The following EDIL3 variants were observed in gnomAD, a reference collection of about 807,000 sequenced individuals.
The protein encoded by EDIL3 is EGF-like repeat and discoidin I-like domain-containing protein 3.
A neutral mutation model predicts 67.4 loss-of-function variants in EDIL3; 37 were observed. The observed-to-expected ratio is 0.55, with a 90% confidence interval of 0.42 to 0.72. The LOEUF is 0.72. Among genes scored for constraint, EDIL3 ranks in the 30% least tolerant of loss-of-function variants. The probability of loss-of-function intolerance (pLI) is 0.00; values close to 1 mark genes in which losing one functional copy is unlikely to be tolerated. For missense variants in EDIL3, 527 were observed against 586.3 expected (o/e 0.90, Z 1.04); for synonymous variants, 195 against 196.3 (o/e 0.99, Z 0.05).
intron 9 of EDIL3, among the ~76,000 whole-genome samples, chr5:83,969,905 T>C (rs138762913): frequency 2.0e-5 from 3 of 151,884 alleles, no homozygotes; most frequent in African/African-American, 7.2e-5. Flanking sequence ...TTGTTCAGAA[T>C]CCTCCTTGTA....
At chr5:84,205,656 A>G (rs563246105) in intron 3 of EDIL3, among the ~76,000 whole-genome samples, 45 of 151,946 alleles carry the variant, frequency 3.0e-4, no homozygotes, top group African/African-American at 1.1e-3. Context: ...TGTATGTGTC[A>G]AGGAATTTAT....
intron 1 of EDIL3, among the ~76,000 whole-genome samples, chr5:84,339,726 A>G (rs2112175507): frequency 6.6e-6 from 1 of 152,228 alleles, no homozygotes; most frequent in African/African-American, 2.4e-5. Flanking sequence ...GGACCTATTC[A>G]TGCTCTCTAA....
intron 6 of EDIL3, among the ~76,000 whole-genome samples, chr5:84,098,356 T>C (rs1401128115): frequency 6.6e-6 from 1 of 152,094 alleles, no homozygotes; most frequent in Non-Finnish European, 1.5e-5. Flanking sequence ...AAGGTTTCAT[T>C]TGAAGGACTG....
chr5:84,312,166 C>T (rs531295748), intron 1 of EDIL3, among the ~76,000 whole-genome samples: 20 of 141,446 alleles, frequency 1.4e-4, no homozygotes, highest in African/African-American at 5.0e-4. Flanking sequence ...CCTCCCGGAC[C>T]GGGCAGCTGG....
intron 1 of EDIL3, among the ~76,000 whole-genome samples, chr5:84,364,080 A>C (rs1747676029): frequency 6.6e-6 from 1 of 152,174 alleles, no homozygotes. Context: ...AGAAGAAGTG[A>C]AATTGTCACT....
intron 3 of EDIL3, among the ~76,000 whole-genome samples, chr5:84,217,713 T>C (rs1744256445): frequency 1.5e-5 from 1 of 65,468 alleles, no homozygotes; most frequent in Non-Finnish European, 3.1e-5. Flanking sequence ...CTATCTATTA[T>C]ACACACAAAC....
intron 1 of EDIL3, among the ~76,000 whole-genome samples, chr5:84,310,606 T>C (rs1349719798): frequency 6.6e-6 from 1 of 152,218 alleles, no homozygotes; most frequent in African/African-American, 2.4e-5. Flanking sequence ...CTAAATCTTC[T>C]GAGATCACAA....
chr5:84,343,008 A>G (rs1196158396), intron 1 of EDIL3, among the ~76,000 whole-genome samples: 4 of 152,116 alleles, frequency 2.6e-5, no homozygotes, highest in African/African-American at 4.8e-5. Context: ...TTTGTAATCA[A>G]GTTTTCTTTC....
intron 3 of EDIL3, chr5:84,181,032 T>C (rs1446772883): frequency 6.6e-6 from 1 of 152,176 alleles, no homozygotes; most frequent in East Asian, 1.9e-4. Context: ...TGTAACCACA[T>C]AAACCAAGTG....
At chr5:84,352,787 TA>T (rs774279754) in intron 1 of EDIL3, among the ~76,000 whole-genome samples, 3 of 151,728 alleles carry the variant, frequency 2.0e-5, no homozygotes, top group Non-Finnish European at 4.4e-5. Flanking sequence ...CCTAAATCCA[TA>T]AAAATAAAAA....
intron 5 of EDIL3, among the ~76,000 whole-genome samples, chr5:84,133,464 C>CAAAA (rs5869210): frequency 8.1e-5 from 7 of 86,530 alleles, no homozygotes; most frequent in Non-Finnish European, 1.3e-4. Context: ...ACTAAAAATA[C>CAAAA]AAAAAAAAAA....
rs12656632 is a variant in EDIL3, at chr5:84,145,525, A to T, written c.356-8171T>A. ...TGGAAGGGGACATGGGATTGAATAG[A>T]TCTGCATTTTAGAAGCTCATTCACA... On this transcript the variant is annotated intron_variant, in intron 4 of 10. Coordinates refer to ENST00000296591, the MANE Select transcript of EDIL3 (RefSeq NM_005711.5). 5.1e-3 allele frequency among the ~76,000 whole-genome samples: 769 copies of T among 152,202 alleles called. 15 individuals carry two copies. Among genetic ancestry groups the T allele is most frequent in the East Asian group, 0.037 (194 of 5,182 alleles).
intron 9 of EDIL3, among the ~76,000 whole-genome samples, chr5:83,980,936 A>T (rs553704177): frequency 6.6e-6 from 1 of 151,996 alleles, no homozygotes; most frequent in South Asian, 2.1e-4. Context: ...AATTCAACAA[A>T]GGAAATGCAA....
chr5:84,320,937 A>G, intron 1 of EDIL3, among the ~76,000 whole-genome samples: 1 of 152,116 alleles, frequency 6.6e-6, no homozygotes, highest in East Asian at 1.9e-4. Context: ...ATTCCCTTTG[A>G]TTTTACTTTG....
At chr5:84,106,508 AT>A (rs1747463848) in intron 6 of EDIL3, 140 bp downstream of exon 6, 2 of 1,028,986 alleles carry the variant, frequency 1.9e-6, no homozygotes, top group Non-Finnish European at 2.7e-6. Flanking sequence ...TTGGGAGCTA[AT>A]TTGAACTCTT....
intron 4 of EDIL3, among the ~76,000 whole-genome samples, chr5:84,142,850 G>A (rs1427613025): frequency 6.9e-6 from 1 of 144,814 alleles, no homozygotes; most frequent in Admixed American, 7.1e-5. Flanking sequence ...TTTCTTTTGC[G>A]AAGACAAATT....
At chr5:84,310,077 A>C (rs563199777) in intron 1 of EDIL3, among the ~76,000 whole-genome samples, 1 of 152,336 alleles carries the variant, frequency 6.6e-6, no homozygotes, top group East Asian at 1.9e-4. Flanking sequence ...AGAGAGAAGA[A>C]TTTTCATGAA....
chr5:84,098,963 G>A (rs1193128248), intron 6 of EDIL3, among the ~76,000 whole-genome samples: 6 of 152,036 alleles, frequency 3.9e-5, no homozygotes, highest in African/African-American at 1.4e-4. Context: ...CAACAATTGT[G>A]AATGGGAGTT....
chr5:84,200,398 ATAAT>A (rs1277171297), intron 3 of EDIL3, among the ~76,000 whole-genome samples: 1 of 152,022 alleles, frequency 6.6e-6, no homozygotes, highest in African/African-American at 2.4e-5. Context: ...TGACATAAAA[ATAAT>A]TAATATTAAT....
Sources: allele counts gnomAD v4.1 joint callset (sites outside exome capture counted in the v4.1 genomes callset), GRCh38; gene constraint gnomAD v4.1.1; transcripts MANE v1.5; gene names NCBI Gene and HGNC (gene_info 2026-07-23, HGNC 2026-07-21).